The following TNFAIP8 variants were observed in gnomAD, a reference collection of about 807,000 sequenced individuals.
TNFAIP8 encodes tumor necrosis factor alpha-induced protein 8.
A neutral mutation model predicts 13.3 loss-of-function variants in TNFAIP8; 7 were observed. That is an observed-to-expected ratio of 0.52 (90% CI 0.30 to 0.99). The LOEUF is 0.99. Ranked by LOEUF, TNFAIP8 falls within the 50% of genes least tolerant of loss-of-function variation. TNFAIP8 has a pLI of 0.07. For missense variants in TNFAIP8, 258 were observed against 236.9 expected, an observed-to-expected ratio of 1.09 and a Z score of -0.58; for synonymous variants, 94 against 87.6, an observed-to-expected ratio of 1.07 and a Z score of -0.41.
In TNFAIP8 at chr5:119,378,449, A is replaced by G. The variant is rs535793326; in HGVS notation, c.32-14367A>G. 1.0e-3 allele frequency among the ~76,000 whole-genome samples: 153 copies of G among 152,314 alleles called. 1 individual carries two copies. Among genetic ancestry groups the G allele is most frequent in the African/African-American group, 3.5e-3 (145 of 41,574 alleles). On this transcript the variant is annotated intron_variant, in intron 1 of 1. Coordinates refer to ENST00000504771, the MANE Select transcript of TNFAIP8 (RefSeq NM_014350.4). ...CTGGATCTAGCCTCCTGACATTAACATGGCTATGAAATGCCTAACAACATT... is the reference window on the plus strand; with the variant it reads ...CTGGATCTAGCCTCCTGACATTAACGTGGCTATGAAATGCCTAACAACATT...
intron 1 of TNFAIP8, among the ~76,000 whole-genome samples, chr5:119,286,866 C>G (rs964376232): frequency 6.6e-6 from 1 of 152,322 alleles, no homozygotes; most frequent in East Asian, 1.9e-4. Context: ...AACAAATGCA[C>G]AGAGCCCAGA....
intron 1 of TNFAIP8, among the ~76,000 whole-genome samples, chr5:119,336,493 C>A (rs1293879062): frequency 1.3e-5 from 2 of 151,628 alleles, no homozygotes; most frequent in African/African-American, 4.9e-5. Context: ...CTATAGAGGC[C>A]TCATAACAAA....
At chr5:119,285,906 A>G (rs1310280172) in intron 1 of TNFAIP8, among the ~76,000 whole-genome samples, 3 of 152,222 alleles carry the variant, frequency 2.0e-5, no homozygotes, top group Non-Finnish European at 4.4e-5. Context: ...AACTTAAAAA[A>G]CAAAATACTG....
intron 1 of TNFAIP8, among the ~76,000 whole-genome samples, chr5:119,327,561 C>T (rs1009597544): frequency 6.6e-6 from 1 of 152,140 alleles, no homozygotes; most frequent in African/African-American, 2.4e-5. Context: ...TGGGCTCAAG[C>T]GATTCTCCTG....
At chr5:119,303,709 GGGAGACAGAGAGA>G (rs1332419168) in intron 1 of TNFAIP8, among the ~76,000 whole-genome samples, 1 of 152,200 alleles carries the variant, frequency 6.6e-6, no homozygotes, top group African/African-American at 2.4e-5. Flanking sequence ...ACAAACAACA[GGGAGACAGAGAGA>G]GCCTCTTCCA....
chr5:119,338,988 A>G (rs554805709), intron 1 of TNFAIP8, among the ~76,000 whole-genome samples: 2 of 152,126 alleles, frequency 1.3e-5, no homozygotes, highest in East Asian at 3.9e-4. Flanking sequence ...TTGAGGCTGC[A>G]TTGAGCTATG....
In TNFAIP8 at chr5:119,399,083, G is replaced by A. The variant is rs970297417; in HGVS notation, c.*5702G>A. The stretch of plus-strand genomic sequence containing the variant: ...TCTTTTCGAATCATATGGACTTAGT[G>A]TTCTCATGACCGAGGAGTCACATTT... On this transcript the variant is annotated 3_prime_UTR_variant, in exon 2 of 2. Transcript: ENST00000504771. 2.0e-5 allele frequency: 3 copies of A among 152,326 alleles called. No homozygotes were observed. The highest frequency in any genetic ancestry group is 4.1e-4 in the South Asian group (2 of 4,824). The allele number at this position is 152,326 out of a possible 1,614,324, so 9.4% of individuals were successfully genotyped here. A position where few individuals can be genotyped will look rare whatever the true frequency, so the allele number is the denominator to read the frequency against.
In TNFAIP8 at chr5:119,306,954, A is replaced by G. The variant is rs1461904891; in HGVS notation, c.1+38047A>G. 3.9e-5 allele frequency among the ~76,000 whole-genome samples: 6 copies of G among 152,372 alleles called. No individual in the cohort carries two copies. The South Asian group carries it at 6.2e-4, about 16-fold the overall frequency. The stretch of plus-strand genomic sequence containing the variant: ...ATTAAGGCATGCACGTTTCATACAT[A>G]TATGTACAAATAGGATCAAACTACT... On this transcript the variant is annotated intron_variant, in intron 1 of 1. Coordinates refer to the TNFAIP8 transcript ENST00000274456.
intron 1 of TNFAIP8, among the ~76,000 whole-genome samples, chr5:119,376,203 G>A (rs1580437637): frequency 2.0e-5 from 3 of 151,202 alleles, no homozygotes; most frequent in African/African-American, 7.3e-5. Context: ...CAACCTCCCC[G>A]TCCCGGCTTC....
At chr5:119,348,846 C>G (rs1275364065) in intron 1 of TNFAIP8, among the ~76,000 whole-genome samples, 1 of 136,788 alleles carries the variant, frequency 7.3e-6, no homozygotes, top group African/African-American at 2.7e-5. Flanking sequence ...CACCACTGCA[C>G]TCTAGACTAG....
chr5:119,398,927 G>A lies in TNFAIP8; in HGVS notation c.*5546G>A, dbSNP rs540811665. 6.6e-6 allele frequency: 1 copy of A among 152,278 alleles called. No homozygotes were observed. The highest frequency in any genetic ancestry group is 2.4e-5 in the African/African-American group (1 of 41,560). The allele number at this position is 152,278 out of a possible 1,614,324, so 9.4% of individuals were successfully genotyped here. A position where few individuals can be genotyped will look rare whatever the true frequency, so the allele number is the denominator to read the frequency against. The stretch of plus-strand genomic sequence containing the variant: ...AAATGATTTGTCAGCATCTTTTGCT[G>A]CTCTCTTCTAAGACCATTGGTTTTC... On this transcript the variant is annotated 3_prime_UTR_variant, in exon 2 of 2. Transcript: ENST00000504771.
chr5:119,388,372 G>A (rs1752758920), intron 1 of TNFAIP8, among the ~76,000 whole-genome samples: 2 of 152,066 alleles, frequency 1.3e-5, no homozygotes, highest in African/African-American at 4.8e-5. Context: ...TACAACTCTC[G>A]TTTTACAGGC....
At chr5:119,317,005 G>GGCT (rs1250083717) in intron 1 of TNFAIP8, among the ~76,000 whole-genome samples, 1 of 152,198 alleles carries the variant, frequency 6.6e-6, no homozygotes, top group African/African-American at 2.4e-5. Flanking sequence ...GAAAAATCAG[G>GGCT]CTGAAGAAAT....
At chr5:119,341,849 C>T (rs1042192323) in intron 1 of TNFAIP8, among the ~76,000 whole-genome samples, 3 of 152,198 alleles carry the variant, frequency 2.0e-5, no homozygotes, top group Non-Finnish European at 2.9e-5. Context: ...ATTTGAAACT[C>T]TCACTTCTGC....
intron 1 of TNFAIP8, chr5:119,333,390 T>A: frequency 7.5e-7 from 1 of 1,333,192 alleles, no homozygotes; most frequent in Non-Finnish European, 9.6e-7. Context: ...TCAAAGTGAC[T>A]GTAGTTGACC....
chr5:119,375,379 A>G (rs1344035545), intron 1 of TNFAIP8, among the ~76,000 whole-genome samples: 3 of 152,226 alleles, frequency 2.0e-5, no homozygotes, highest in Non-Finnish European at 2.9e-5. Flanking sequence ...GTAGGTGAAA[A>G]GACACAGCTA....
chr5:119,362,954 G>T (rs1295655784), intron 1 of TNFAIP8, among the ~76,000 whole-genome samples: 1 of 152,178 alleles, frequency 6.6e-6, no homozygotes, highest in Non-Finnish European at 1.5e-5. Flanking sequence ...AAGTGTGAGA[G>T]TAGCCAGTCA....
chr5:119,389,835 T>G (rs1380989100), intron 1 of TNFAIP8, among the ~76,000 whole-genome samples: 4 of 152,224 alleles, frequency 2.6e-5, no homozygotes, highest in Non-Finnish European at 5.9e-5. Flanking sequence ...TCCTCTAGGA[T>G]AAATATGAAA....
chr5:119,326,465 T>C (rs1251662890), intron 1 of TNFAIP8, among the ~76,000 whole-genome samples: 1 of 152,116 alleles, frequency 6.6e-6, no homozygotes, highest in East Asian at 1.9e-4. Context: ...GGCAAAACAG[T>C]GAAGCACGGT....
Sources: gnomAD v4.1 joint callset for allele counts (sites outside exome capture counted in the v4.1 genomes callset) on GRCh38, gnomAD v4.1.1 for gene constraint, MANE v1.5 for transcripts, NCBI Gene and HGNC (gene_info 2026-07-23, HGNC 2026-07-21) for gene names.